The following CCT4 variants were observed in gnomAD, a reference collection of about 807,000 sequenced individuals.
The protein encoded by CCT4 is T-complex protein 1 subunit delta.
In CCT4, 17 loss-of-function variants were observed where a neutral mutation model predicts 62.5. The ratio of observed to expected loss-of-function variants is 0.27; its 90% CI spans 0.19 to 0.41. The LOEUF is 0.41. Ranked by LOEUF, CCT4 falls within the 10% of genes least tolerant of loss-of-function variation. CCT4 has a pLI of 1.00. For synonymous variants in CCT4, 250 were observed against 229.9 expected (o/e 1.09, Z -0.79); for missense variants, 592 against 659.2 (o/e 0.90, Z 1.12).
chr2:61,873,338 A>G (rs745941478), intron 8 of CCT4, 45 bp from the exon 9 acceptor site: 3 of 1,052,678 alleles, frequency 2.8e-6, no homozygotes, highest in African/African-American at 1.6e-5. Flanking sequence ...GATTAAAAAA[A>G]TTTTGCTCTT....
intron 5 of CCT4, among the ~76,000 whole-genome samples, chr2:61,877,747 G>A (rs1372417641): frequency 6.6e-6 from 1 of 152,016 alleles, no homozygotes; most frequent in Non-Finnish European, 1.5e-5. Flanking sequence ...TAATATAATA[G>A]CCGGGACTGT....
chr2:61,878,291 C>T (rs777875777), intron 5 of CCT4, among the ~76,000 whole-genome samples: 2 of 152,100 alleles, frequency 1.3e-5, no homozygotes, highest in Non-Finnish European at 2.9e-5. Context: ...AGCACAACAC[C>T]GCTTTAAGTT....
Position 61,872,146 on chromosome 2 carries a change from G to A in CCT4, c.1427C>T (p.Thr476Ile), listed in dbSNP as rs11549870. The part of the protein sequence containing the change: ...AENAGLNPIS[T>I]VTELRNRHAQ... ...ATGCCGGTTTCTTAGTTCTGTTACT[G>A]TAGAAATGGGATTCAGGCCGGCATT... Residue 476 changes from threonine to isoleucine, a missense_variant, in exon 12 of 14, where the codon ACA becomes ATA. Physicochemically the swap from Thr to Ile is moderately conservative, Grantham distance 89 (BLOSUM62 -1). Transcript: ENST00000394440. The A allele has an allele frequency of 6.2e-7, 1 of 1,614,024 alleles. No individual in the cohort carries two copies. Among genetic ancestry groups the A allele is most frequent in the Non-Finnish European group, 8.5e-7 (1 of 1,179,978 alleles).
chr2:61,880,090 A>G (rs919616824), intron 4 of CCT4, among the ~76,000 whole-genome samples, 196 bp downstream of exon 4: 7 of 152,208 alleles, frequency 4.6e-5, no homozygotes, highest in African/African-American at 1.7e-4. Flanking sequence ...AGCCCAGCAA[A>G]TATCAGAAGC....
chr2:61,888,619 A>G lies in CCT4; in HGVS notation c.-112T>C, dbSNP rs1669321740. The G allele has an allele frequency of 6.8e-6, 9 of 1,316,284 alleles. No individual in the cohort carries two copies. Among genetic ancestry groups the G allele is most frequent in the Non-Finnish European group, 9.1e-6 (9 of 988,358 alleles). The allele number at this position is 1,316,284 out of a possible 1,614,324, so 81.5% of individuals were successfully genotyped here. ...CACTGCCTTCACGAACCTTCCAGAA[A>G]GCGGCGCCGGCGTCGGGAGGAGGCG... On this transcript the variant is annotated 5_prime_UTR_variant, in exon 1 of 14. Transcript: ENST00000394440.
At chr2:61,872,647 G>T in intron 10 of CCT4, 59 bp from the exon 11 acceptor site, 1 of 1,583,208 alleles carries the variant, frequency 6.3e-7, no homozygotes, top group South Asian at 1.1e-5. Flanking sequence ...CCACACCCAG[G>T]CCGGGCACGG....
intron 3 of CCT4, among the ~76,000 whole-genome samples, chr2:61,880,878 T>A (rs917213744): frequency 6.6e-6 from 1 of 152,062 alleles, no homozygotes; most frequent in Non-Finnish European, 1.5e-5. Flanking sequence ...GCTACTTTTT[T>A]TAAAAAGTCT....
intron 8 of CCT4, among the ~76,000 whole-genome samples, chr2:61,874,376 TTGGGAGGCCAA>T (rs1026740838): frequency 3.2e-4 from 49 of 152,202 alleles, no homozygotes; most frequent in African/African-American, 1.1e-3. Context: ...TCCCAGCACT[TTGGGAGGCCAA>T]GGGGGGGCAG....
chr2:61,874,482 T>C (rs1668955324), intron 8 of CCT4, among the ~76,000 whole-genome samples: 1 of 151,918 alleles, frequency 6.6e-6, no homozygotes, highest in African/African-American at 2.4e-5. Flanking sequence ...TGGTGGCACG[T>C]GACTGTAATC....
chr2:61,868,396 C>T lies in CCT4; in HGVS notation c.*296G>A. On this transcript the variant is annotated 3_prime_UTR_variant, in exon 14 of 14. Coordinates refer to ENST00000394440, the MANE Select transcript of CCT4 (RefSeq NM_006430.4). Reference sequence around the variant, plus strand: ...ATTTATCAGTGATGAGCATATTGGGCCATTTTTTTCCTCAACATGTAAACT... The same window carrying T: ...ATTTATCAGTGATGAGCATATTGGGTCATTTTTTTCCTCAACATGTAAACT... 2.8e-6 allele frequency: 1 copy of T among 352,866 alleles called. No homozygotes were observed. Among genetic ancestry groups the T allele is most frequent in the Non-Finnish European group, 5.2e-6 (1 of 192,352 alleles). The allele number at this position is 352,866 out of a possible 1,614,324, so 21.9% of individuals were successfully genotyped here.
intron 7 of CCT4, 143 bp downstream of exon 7, chr2:61,876,777 A>G: frequency 1.5e-6 from 1 of 668,428 alleles, no homozygotes; most frequent in East Asian, 3.0e-5. Context: ...TGGCACCAAC[A>G]ATTACTATTT....
At chr2:61,879,449 T>TC (rs1422861655) in intron 4 of CCT4, among the ~76,000 whole-genome samples, 2 of 148,402 alleles carry the variant, frequency 1.3e-5, no homozygotes, top group Admixed American at 1.3e-4. Flanking sequence ...ATTTTTTTTT[T>TC]TTTTTTTTGG....
Position 61,880,400 on chromosome 2 carries a change from T to C in CCT4, c.271-6A>G. 3 of 1,561,838 alleles carry C rather than the reference T, an allele frequency of 1.9e-6. No homozygotes were observed. Among genetic ancestry groups the C allele is most frequent in the Admixed American group, 1.8e-5 (1 of 55,364 alleles). ...GCCTTAGACAGCTCCACCAGCTAAG[T>C]GAACAGAAAATGCCAAGTTGCTCAA... On this transcript the variant is annotated splice_polypyrimidine_tract_variant and splice_region_variant and intron_variant, in intron 3 of 13. Transcript: ENST00000394440.
At chr2:61,883,628 A>G (rs1669165528) in intron 2 of CCT4, 80 bp from the exon 3 acceptor site, 1 of 729,136 alleles carries the variant, frequency 1.4e-6, no homozygotes, top group Non-Finnish European at 2.3e-6. Flanking sequence ...AAAATAGAGA[A>G]GTTAATTTCT....
intron 1 of CCT4, 30 bp downstream of exon 1, chr2:61,888,351 G>A (rs987399320): frequency 1.2e-6 from 2 of 1,601,782 alleles, no homozygotes; most frequent in Non-Finnish European, 1.7e-6. Flanking sequence ...CAACCCCGCG[G>A]CGCCGCGGGT....
chr2:61,874,139 T>C (rs1020737303), intron 8 of CCT4, among the ~76,000 whole-genome samples: 2 of 152,160 alleles, frequency 1.3e-5, no homozygotes, highest in Admixed American at 1.3e-4. Flanking sequence ...ACTAGAAAGG[T>C]AGATATTACT....
At position 61,880,302 on chromosome 2, in the gene CCT4, G is replaced by T; in HGVS notation, c.363C>A (p.Thr121=). The change falls in exon 4 of 14, where the codon ACC becomes ACA. Residue 121 remains threonine, a synonymous_variant. Transcript: ENST00000394440. Reference sequence around the variant, plus strand: ...CCTACCCACCTTTCTGAAGAAGCTTGGTACAAGAATCTAAGAGGGAGCCAG... The same window carrying T: ...CCTACCCACCTTTCTGAAGAAGCTTTGTACAAGAATCTAAGAGGGAGCCAG... ...IIAGSLLDSC[T]KLLQKGIHPT... is the part of the protein sequence containing the mutation. 1 of 1,573,296 alleles carries T rather than the reference G, an allele frequency of 6.4e-7. No homozygotes were observed. Among genetic ancestry groups the T allele is most frequent in the Non-Finnish European group, 8.6e-7 (1 of 1,158,068 alleles).
Position 61,872,456 on chromosome 2 carries a change from A to G in CCT4, c.1256+2T>C. 6.2e-7 allele frequency: 1 copy of G among 1,609,530 alleles called. No individual in the cohort carries two copies. The highest frequency in any genetic ancestry group is 8.5e-7 in the Non-Finnish European group (1 of 1,177,170). ...TACTTAATAATGTAACACTGACATT[A>G]CCTCTTCTTCACTAAACAACGAATA... On this transcript the variant is annotated splice_donor_variant, in intron 11 of 13. Transcript: ENST00000394440. LOFTEE classifies it high-confidence loss of function.
At chr2:61,874,113 A>G (rs1284417213) in intron 8 of CCT4, among the ~76,000 whole-genome samples, 1 of 152,208 alleles carries the variant, frequency 6.6e-6, no homozygotes, top group Non-Finnish European at 1.5e-5. Flanking sequence ...TGAACTGTGA[A>G]TAACAACTCT....
Sources: gnomAD v4.1 joint callset for allele counts (sites outside exome capture counted in the v4.1 genomes callset) on GRCh38, gnomAD v4.1.1 for gene constraint, MANE v1.5 for transcripts, NCBI Gene and HGNC (gene_info 2026-07-23, HGNC 2026-07-21) for gene names.